The following TAFA5 variants were observed in gnomAD, a reference collection of about 807,000 sequenced individuals.
TAFA5 encodes TAFA chemokine like family member 5.
Under a neutral mutation model 15.3 loss-of-function variants are expected in TAFA5, and 6 were observed. The observed-to-expected ratio is 0.39, with a 90% CI of 0.21 to 0.77. TAFA5 has a LOEUF of 0.77. TAFA5 is among the 30% of genes least tolerant of loss of function. The probability of loss-of-function intolerance (pLI) is 0.41; values close to 1 mark genes in which losing one functional copy is unlikely to be tolerated. For missense variants in TAFA5, 161 were observed against 193.1 expected (o/e 0.83, Z 0.98); for synonymous variants, 103 against 80.7 (o/e 1.28, Z -1.48).
rs1428010377 is a variant in TAFA5 at position 48,530,874 on chromosome 22, G to A, written c.112+41170G>A. 6.6e-6 allele frequency among the ~76,000 whole-genome samples: 1 copy of A among 152,170 alleles called. No homozygotes were observed. The highest frequency in any genetic ancestry group is 1.9e-4 in the East Asian group (1 of 5,170). On this transcript the variant is annotated intron_variant, in intron 1 of 3. Transcript: ENST00000402357. The surrounding 1 kb of genome is among the most constrained non-coding windows in gnomAD (Gnocchi z 6.0). Reference sequence around the variant, plus strand: ...AAAGCAGGGGAGAAATGTCCCTCGGGTTCCAAATGAAAGTGGCTGAGATGT... The same window carrying A: ...AAAGCAGGGGAGAAATGTCCCTCGGATTCCAAATGAAAGTGGCTGAGATGT...
chr22:48,673,555 G>T (rs1369570276), intron 2 of TAFA5, among the ~76,000 whole-genome samples: 3 of 152,216 alleles, frequency 2.0e-5, no homozygotes, highest in Non-Finnish European at 4.4e-5. Flanking sequence ...TTCTTCTGAG[G>T]GTGGGATGGC....
intron 1 of TAFA5, among the ~76,000 whole-genome samples, chr22:48,630,705 A>C (rs544659158): frequency 1.3e-3 from 197 of 152,280 alleles, no homozygotes; most frequent in African/African-American, 4.5e-3. Flanking sequence ...CCTAGAAGCC[A>C]CACAGGCTGC....
intron 3 of TAFA5, among the ~76,000 whole-genome samples, chr22:48,737,884 C>T (rs906434981): frequency 6.6e-5 from 10 of 152,056 alleles, no homozygotes; most frequent in Non-Finnish European, 7.4e-5. Flanking sequence ...TGAGCTGGAC[C>T]GAGCGTGAGA....
intron 3 of TAFA5, among the ~76,000 whole-genome samples, chr22:48,710,043 C>A (rs1929204055): frequency 6.6e-6 from 1 of 152,242 alleles, no homozygotes; most frequent in Non-Finnish European, 1.5e-5. Context: ...GCCACCACCC[C>A]CTCTACCTTG....
chr22:48,563,587 G>C (rs528476722), intron 1 of TAFA5, among the ~76,000 whole-genome samples: 1 of 152,314 alleles, frequency 6.6e-6, no homozygotes, highest in South Asian at 2.1e-4. Context: ...CTGCTGCCGG[G>C]CAGGCATGGG....
rs80123754 is a variant in TAFA5, at chr22:48,598,828, C to T, written c.113-47769C>T. On this transcript the variant is annotated intron_variant, in intron 1 of 3. Coordinates refer to ENST00000402357, the MANE Select transcript of TAFA5 (RefSeq NM_001082967.3). The surrounding 1 kb of genome is among the most constrained non-coding windows in gnomAD (Gnocchi z 4.0). ...TCCAAGTGCCACCAGTGGAACCAAG[C>T]GCCAGGTGGTACCTGTATTTCCGAC... 5.9e-5 allele frequency among the ~76,000 whole-genome samples: 9 copies of T among 152,300 alleles called. No individual in the cohort carries two copies. The East Asian group carries it at 7.7e-4, about 13-fold the overall frequency.
intron 3 of TAFA5, among the ~76,000 whole-genome samples, chr22:48,743,996 G>T (rs971760843): frequency 1.3e-5 from 2 of 152,206 alleles, no homozygotes; most frequent in African/African-American, 4.8e-5. Flanking sequence ...ATTTTTCTGC[G>T]TAGTTTCAGT....
chr22:48,702,695 C>T (rs1428621168), intron 2 of TAFA5, among the ~76,000 whole-genome samples: 4 of 152,324 alleles, frequency 2.6e-5, no homozygotes, highest in African/African-American at 2.4e-5. Context: ...CCCCTGGGCA[C>T]GCCGCTTCCC....
In TAFA5 at chr22:48,646,600, A is replaced by G. The variant is rs1384035595; in HGVS notation, c.116A>G (p.Gln39Arg). ...TCGCTTCTGCTCCTCTCTGCAGGTCAGCTGGCCGCCGGCACCTGTGAGATT... is the reference window on the plus strand; with the variant it reads ...TCGCTTCTGCTCCTCTCTGCAGGTCGGCTGGCCGCCGGCACCTGTGAGATT... ...LASLLIAYCS[Q>R]LAAGTCEIVT... Residue 39 changes from glutamine (Q) to arginine (R), a missense_variant, in exon 2 of 4, where the codon CAG becomes CGG. Gln to Arg is a conservative substitution (Grantham distance 43). Coordinates refer to ENST00000402357, the MANE Select transcript of TAFA5 (RefSeq NM_001082967.3). 1 of 1,612,268 alleles carries G rather than the reference A, an allele frequency of 6.2e-7. No homozygotes were observed. The highest frequency in any genetic ancestry group is 8.5e-7 in the Non-Finnish European group (1 of 1,179,660).
intron 3 of TAFA5, among the ~76,000 whole-genome samples, chr22:48,740,753 G>A (rs1193684019): frequency 6.6e-6 from 1 of 152,168 alleles, no homozygotes; most frequent in Non-Finnish European, 1.5e-5. Flanking sequence ...CAGAGATGTG[G>A]TGGCTGCGAT....
At chr22:48,595,911 A>G (rs900294291) in intron 1 of TAFA5, among the ~76,000 whole-genome samples, 1 of 152,278 alleles carries the variant, frequency 6.6e-6, no homozygotes, top group Non-Finnish European at 1.5e-5. Context: ...TGATAATACA[A>G]CTTTCGCCAT....
At chr22:48,709,513 C>T (rs1028213459) in intron 3 of TAFA5, among the ~76,000 whole-genome samples, 3 of 152,222 alleles carry the variant, frequency 2.0e-5, no homozygotes, top group African/African-American at 4.8e-5. Context: ...TTTCGTTTCC[C>T]TCATAGAAGC....
intron 3 of TAFA5, among the ~76,000 whole-genome samples, chr22:48,718,530 G>A (rs1031504424): frequency 6.6e-6 from 1 of 152,102 alleles, no homozygotes; most frequent in South Asian, 2.1e-4. Flanking sequence ...TGTCTGCCCT[G>A]TCCGACCCCC....
rs1477091782 is a variant in TAFA5, at chr22:48,490,773, C to A, written c.112+1069C>A. 1.2e-5 allele frequency among the ~76,000 whole-genome samples: 1 copy of A among 81,444 alleles called. No individual in the cohort carries two copies. Among genetic ancestry groups the A allele is most frequent in the Non-Finnish European group, 2.3e-5 (1 of 43,448 alleles). The allele number at this position is 81,444 out of a possible 152,430, so 53.4% of individuals were successfully genotyped here. A position where few individuals can be genotyped will look rare whatever the true frequency, so the allele number is the denominator to read the frequency against. On this transcript the variant is annotated intron_variant, in intron 1 of 3. Transcript: ENST00000402357. The surrounding 1 kb of genome is among the most constrained non-coding windows in gnomAD (Gnocchi z 5.8). ...GGGAGGTGATGGAAAAATATGGATT[C>A]TTTACAAAAAAAAAAAAAAAAGGCC...
At chr22:48,593,453 G>A (rs1924647936) in intron 1 of TAFA5, among the ~76,000 whole-genome samples, 1 of 151,988 alleles carries the variant, frequency 6.6e-6, no homozygotes, top group East Asian at 1.9e-4. Flanking sequence ...CCAGGTAGAG[G>A]TTCTGAGCTG....
chr22:48,576,612 G>T lies in TAFA5; in HGVS notation c.113-69985G>T, dbSNP rs749797791. The T allele has an allele frequency of 1.4e-5, 19 of 1,357,092 alleles. No homozygotes were observed. In the Admixed American group the frequency reaches 5.4e-4, roughly 39 times the overall value. 84.1% of individuals were successfully genotyped at this position (1,357,092 alleles called of 1,614,324 possible). On this transcript the variant is annotated intron_variant, in intron 1 of 3. Transcript: ENST00000402357. ...CGCGCGGACCGGTCCTCCGCGCTCT[G>T]CCCGGCTCGCGGCGGCTCCGGCGCC...
At position 48,749,953 on chromosome 22, in the gene TAFA5, C is replaced by A; in HGVS notation, c.*106C>A. ...CTCGGACTTCACCCGTTCTCTGCCGCCCGCCCACTCCGTTTCCCTGTGGTC... is the reference window on the plus strand; with the variant it reads ...CTCGGACTTCACCCGTTCTCTGCCGACCGCCCACTCCGTTTCCCTGTGGTC... On this transcript the variant is annotated 3_prime_UTR_variant, in exon 4 of 4. Coordinates refer to ENST00000402357, the MANE Select transcript of TAFA5 (RefSeq NM_001082967.3). 1 of 1,093,516 alleles carries A rather than the reference C, an allele frequency of 9.1e-7. No homozygotes were observed. Among genetic ancestry groups the A allele is most frequent in the Non-Finnish European group, 1.3e-6 (1 of 742,714 alleles). The allele number at this position is 1,093,516 out of a possible 1,614,324, so 67.7% of individuals were successfully genotyped here. A position where few individuals can be genotyped will look rare whatever the true frequency, so the allele number is the denominator to read the frequency against.
At chr22:48,665,337 C>G (rs1440649331) in intron 2 of TAFA5, among the ~76,000 whole-genome samples, 1 of 152,146 alleles carries the variant, frequency 6.6e-6, no homozygotes, top group Admixed American at 6.5e-5. Flanking sequence ...TGTGGCTGGC[C>G]TTCTTATTTG....
In TAFA5 at chr22:48,725,189, G is replaced by A. The variant is rs188744714; in HGVS notation, c.390+17345G>A. 5.3e-5 allele frequency among the ~76,000 whole-genome samples: 8 copies of A among 152,372 alleles called. No individual in the cohort carries two copies. The East Asian group carries it at 1.5e-3, about 29-fold the overall frequency. On this transcript the variant is annotated intron_variant, in intron 3 of 3. Transcript: ENST00000402357. Reference sequence around the variant, plus strand: ...GACCTTTCAGGCCATCCCGGAGTGGGCAGGGCTTCCCACACCTGCAGGAAC... The same window carrying A: ...GACCTTTCAGGCCATCCCGGAGTGGACAGGGCTTCCCACACCTGCAGGAAC...
Sources: allele counts gnomAD v4.1 joint callset (sites outside exome capture counted in the v4.1 genomes callset), GRCh38; gene constraint gnomAD v4.1.1; non-coding constraint Gnocchi (gnomAD v3.1); transcripts MANE v1.5; gene names NCBI Gene and HGNC (gene_info 2026-07-23, HGNC 2026-07-21).